Variants in ZNF772 observed in about 807,000 individuals in gnomAD.
The protein encoded by ZNF772 is zinc finger protein 772.
Under a neutral mutation model 11.0 loss-of-function variants are expected in ZNF772, and 8 were observed. The ratio of observed to expected loss-of-function variants is 0.73; its 90% confidence interval spans 0.43 to 1.31. The LOEUF is 1.31. ZNF772 is among the 50% of genes most tolerant of loss of function. The probability of loss-of-function intolerance (pLI) is 0.01; values close to 1 mark genes in which losing one functional copy is unlikely to be tolerated. For synonymous variants in ZNF772, 155 were observed against 180.4 expected (o/e 0.86, Z 1.13); for missense variants, 496 against 552.3 (o/e 0.90, Z 1.02).
At position 57,470,404 on chromosome 19, in the gene ZNF772, T is replaced by A. The variant is rs905001828; in HGVS notation, c.*2870A>T. The A allele has an allele frequency of 1.3e-5, 2 of 151,914 alleles. No individual in the cohort carries two copies. Among genetic ancestry groups the A allele is most frequent in the African/African-American group, 4.8e-5 (2 of 41,356 alleles). The allele number at this position is 151,914 out of a possible 1,614,324, so 9.4% of individuals were successfully genotyped here. On this transcript the variant is annotated 3_prime_UTR_variant, in exon 4 of 4. Coordinates refer to ENST00000356584, the MANE Select transcript of ZNF772 (RefSeq NM_001144068.2). ...CCACATCAAGCTTGATGGGAGGTAA[T>A]TAAAGCAGTTCTCAGATAGATTTTT...
chr19:57,476,607 G>C (rs1228190902), intron 2 of ZNF772, 27 bp downstream of exon 2: 3 of 1,613,258 alleles, frequency 1.9e-6, no homozygotes, highest in South Asian at 1.1e-5. Context: ...GGTGGGATCG[G>C]TGAGAGCATG....
In ZNF772 at chr19:57,475,806, C is replaced by T; in HGVS notation, c.73-20G>A. 1 of 1,583,864 alleles carries T rather than the reference C, an allele frequency of 6.3e-7. No individual in the cohort carries two copies. The highest frequency in any genetic ancestry group is 8.6e-7 in the Non-Finnish European group (1 of 1,165,124). ...CTGCCCCTGCCACAATCAGGAGAGC[C>T]AAGTCCATGAGCAGCATCTCTCCCA... On this transcript the variant is annotated intron_variant, in intron 2 of 3. Transcript: ENST00000356584. This position sits in a 1 kb window ranked among gnomAD's most constrained non-coding sequence, Gnocchi z 4.2.
chr19:57,475,191 A>G lies in ZNF772; in HGVS notation c.199+469T>C. The G allele has an allele frequency of 1.2e-6, 2 of 1,604,288 alleles. No homozygotes were observed. Among genetic ancestry groups the G allele is most frequent in the Non-Finnish European group, 1.7e-6 (2 of 1,173,688 alleles). ...GCACTGGTCTGGGTAACCCATATAG[A>G]AAACTAAATATTATTAAAATAATCT... is the stretch of plus-strand genomic sequence containing the variant. On this transcript the variant is annotated intron_variant, in intron 3 of 3. Coordinates refer to ENST00000356584, the MANE Select transcript of ZNF772 (RefSeq NM_001144068.2). The surrounding 1 kb of genome is among the most constrained non-coding windows in gnomAD (Gnocchi z 4.2).
chr19:57,473,528 A>G lies in ZNF772; in HGVS notation c.1093T>C (p.Tyr365His). 6.2e-7 allele frequency: 1 copy of G among 1,614,024 alleles called. No individual in the cohort carries two copies. Among genetic ancestry groups the G allele is most frequent in the South Asian group, 1.1e-5 (1 of 91,070 alleles). The change falls in exon 4 of 4, where the codon TAT becomes CAT. Residue 365 changes from tyrosine to histidine, a missense_variant. Transcript: ENST00000356584. Reference protein sequence around the residue: ...HWSVHTGARPYECIACGKFFS... With the variant: ...HWSVHTGARPHECIACGKFFS... Reference sequence around the variant, plus strand: ...AACTTCCCACATGCGATGCACTCATAAGGCCTTGCTCCAGTATGAACACTC... The same window carrying G: ...AACTTCCCACATGCGATGCACTCATGAGGCCTTGCTCCAGTATGAACACTC...
Position 57,472,113 on chromosome 19 carries a change from T to G in ZNF772, c.*1161A>C. Reference sequence around the variant, plus strand: ...GAAATATTTCTGTAAACCCTCATAATGGAGCCAGAGTAATGGAAACACATG... The same window carrying G: ...GAAATATTTCTGTAAACCCTCATAAGGGAGCCAGAGTAATGGAAACACATG... On this transcript the variant is annotated 3_prime_UTR_variant, in exon 4 of 4. Coordinates refer to ENST00000356584, the MANE Select transcript of ZNF772 (RefSeq NM_001144068.2). The G allele has an allele frequency of 2.2e-6, 1 of 456,234 alleles. No homozygotes were observed. The highest frequency in any genetic ancestry group is 4.4e-6 in the Non-Finnish European group (1 of 226,944). 28.3% of individuals were successfully genotyped at this position (456,234 alleles called of 1,614,324 possible).
In ZNF772 at chr19:57,473,617, C is replaced by T; in HGVS notation, c.1004G>A (p.Arg335Lys). ...TCCACATTCGCTGCACTCATATGGCCTTTCTCCAGTATGGATACTCTCATG... is the reference window on the plus strand; with the variant it reads ...TCCACATTCGCTGCACTCATATGGCTTTTCTCCAGTATGGATACTCTCATG... ...VQHESIHTGERPYECSECGKY... is the reference protein window; with the variant it reads ...VQHESIHTGEKPYECSECGKY... Residue 335 changes from arginine (R) to lysine (K), a missense_variant, in exon 4 of 4, where the codon AGG (arginine) becomes AAG (lysine). By Grantham distance (26) the Arg-to-Lys change is conservative. Transcript: ENST00000356584. 6.2e-7 allele frequency: 1 copy of T among 1,614,016 alleles called. No homozygotes were observed.
In ZNF772 at chr19:57,475,815, G is replaced by A. The variant is rs368809646; in HGVS notation, c.73-29C>T. 2.4e-5 allele frequency: 38 copies of A among 1,574,080 alleles called. No individual in the cohort carries two copies. The African/African-American group carries it at 4.7e-4, about 20-fold the overall frequency. On this transcript the variant is annotated intron_variant, in intron 2 of 3. Transcript: ENST00000356584. The surrounding 1 kb of genome is among the most constrained non-coding windows in gnomAD (Gnocchi z 4.2). ...CCACAATCAGGAGAGCCAAGTCCAT[G>A]AGCAGCATCTCTCCCAAGAACCCCC...
Position 57,475,476 on chromosome 19 carries a change from G to A in ZNF772, c.199+184C>T. On this transcript the variant is annotated intron_variant, in intron 3 of 3. Transcript: ENST00000356584. This position sits in a 1 kb window ranked among gnomAD's most constrained non-coding sequence, Gnocchi z 4.2. ...AAGGCTCTGAGACAGCAAGCGCTGG[G>A]AATGCTCAAAAGGAGAAAGTAGGAG... is the stretch of plus-strand genomic sequence containing the variant. 2.0e-6 allele frequency: 2 copies of A among 980,732 alleles called. No individual in the cohort carries two copies. The highest frequency in any genetic ancestry group is 1.3e-5 in the South Asian group (1 of 75,556). 60.8% of individuals were successfully genotyped at this position (980,732 alleles called of 1,614,324 possible).
rs766627698 is a variant in ZNF772, at chr19:57,470,629, A to C, written c.*2645T>G. 16 of 152,198 alleles carry C rather than the reference A, an allele frequency of 1.1e-4. No individual in the cohort carries two copies. Among genetic ancestry groups the C allele is most frequent in the Non-Finnish European group, 1.9e-4 (13 of 68,024 alleles). The allele number at this position is 152,198 out of a possible 1,614,324, so 9.4% of individuals were successfully genotyped here. On this transcript the variant is annotated 3_prime_UTR_variant, in exon 4 of 4. Transcript: ENST00000356584. The stretch of plus-strand genomic sequence containing the variant: ...CAATAATACCAAGTACTTTAAGATC[A>C]ATAAAATTGTAAAATTGATAAATCT...
At position 57,471,261 on chromosome 19, in the gene ZNF772, C is replaced by A. The variant is rs927904664; in HGVS notation, c.*2013G>T. 1.3e-5 allele frequency: 2 copies of A among 151,916 alleles called. No homozygotes were observed. Among genetic ancestry groups the A allele is most frequent in the African/African-American group, 4.8e-5 (2 of 41,350 alleles). 9.4% of individuals were successfully genotyped at this position (151,916 alleles called of 1,614,324 possible). A position where few individuals can be genotyped will look rare whatever the true frequency, so the allele number is the denominator to read the frequency against. On this transcript the variant is annotated 3_prime_UTR_variant, in exon 4 of 4. Transcript: ENST00000356584. ...ATATAAAATTACAAAGAAAAAAAAG[C>A]AAGCAAGCAAGAAAGAAAGTTAGGG...
chr19:57,476,598 G>A, intron 2 of ZNF772, 36 bp downstream of exon 2: 1 of 1,609,802 alleles, frequency 6.2e-7, no homozygotes, highest in Non-Finnish European at 8.5e-7. Flanking sequence ...TTGGGTGGGG[G>A]TGGGATCGGT....
rs759901858 is a variant in ZNF772 at position 57,473,320 on chromosome 19, G to A, written c.1301C>T (p.Ala434Val). Reference protein sequence around the residue: ...SECGKAFRQRASLIRHWKIHT... With the variant: ...SECGKAFRQRVSLIRHWKIHT... ...AATTTTCCAGTGGCGGATGAGGGAA[G>A]CCCTCTGCCTGAAGGCCTTCCCACA... Residue 434 changes from alanine (A) to valine (V), a missense_variant, in exon 4 of 4, where the codon GCT becomes GTT. Coordinates refer to ENST00000356584, the MANE Select transcript of ZNF772 (RefSeq NM_001144068.2). 3 of 1,613,808 alleles carry A rather than the reference G, an allele frequency of 1.9e-6. No homozygotes were observed. Among genetic ancestry groups the A allele is most frequent in the Admixed American group, 3.3e-5 (2 of 60,002 alleles).
At position 57,475,912 on chromosome 19, in the gene ZNF772, C is replaced by A. The variant is rs1224297052; in HGVS notation, c.73-126G>T. 7.4e-7 allele frequency: 1 copy of A among 1,345,602 alleles called. No individual in the cohort carries two copies. The highest frequency in any genetic ancestry group is 1.0e-6 in the Non-Finnish European group (1 of 987,392). The allele number at this position is 1,345,602 out of a possible 1,614,324, so 83.4% of individuals were successfully genotyped here. ...TCCTCAACTCAGGAAATATCAGGAC[C>A]AGATGTCATTGGTGTCTTCTCTCGC... On this transcript the variant is annotated intron_variant, in intron 2 of 3. Transcript: ENST00000356584. The surrounding 1 kb of genome is among the most constrained non-coding windows in gnomAD (Gnocchi z 4.2).
rs747681870 is a variant in ZNF772 at position 57,473,259 on chromosome 19, G to A, written c.*15C>T. 6.2e-7 allele frequency: 1 copy of A among 1,600,766 alleles called. No homozygotes were observed. The stretch of plus-strand genomic sequence containing the variant: ...AGTTATTATGTTGAACAAGGAAACG[G>A]AATTATCTCCCATCCTAAGGCCTTT... On this transcript the variant is annotated 3_prime_UTR_variant, in exon 4 of 4. Transcript: ENST00000356584.
chr19:57,476,975 C>T (rs1466896622), intron 1 of ZNF772, among the ~76,000 whole-genome samples: 1 of 152,190 alleles, frequency 6.6e-6, no homozygotes, highest in Non-Finnish European at 1.5e-5. Flanking sequence ...GAATAGAGAC[C>T]CAGCTGCTCA....
rs2074060 is a variant in ZNF772 at position 57,474,198 on chromosome 19, G to C, written c.423C>G (p.Cys141Trp). The C allele has an allele frequency of 0.65, 1,042,091 of 1,613,922 alleles. 337,566 individuals are homozygous for C. Among genetic ancestry groups the C allele is most frequent in the East Asian group, 0.74 (32,995 of 44,860 alleles). ...YMCVLCGKQF[C>W]FSANLHQHQK... ...GGTGCTGGTGAAGGTTTGCACTGAA[G>C]CAGAACTGTTTCCCACACAGCACAC... is the stretch of plus-strand genomic sequence containing the variant. The change falls in exon 4 of 4, where the codon TGC becomes TGG. Residue 141 changes from cysteine (C) to tryptophan (W), a missense_variant. Physicochemically the swap from Cys to Trp is radical, Grantham distance 215. Coordinates refer to ENST00000356584, the MANE Select transcript of ZNF772 (RefSeq NM_001144068.2).
Position 57,473,844 on chromosome 19 carries a change from C to T in ZNF772, c.777G>A (p.Gly259=). The T allele has an allele frequency of 6.2e-7, 1 of 1,613,956 alleles. No homozygotes were observed. The change falls in exon 4 of 4, where the codon GGG becomes GGA. Residue 259 remains glycine, a synonymous_variant. Transcript: ENST00000356584. ...GTATGGGTTTGCGGCTAAAGGTTTT[C>T]CCACATTCACCGCACTCATAAGGCC... ...GERPYECGEC[G]KTFSRKPILA... is the part of the protein sequence containing the mutation.
At chr19:57,476,765 G>A in intron 1 of ZNF772, 93 bp from the exon 2 acceptor site, 6 of 1,144,002 alleles carry the variant, frequency 5.2e-6, no homozygotes, top group Non-Finnish European at 6.2e-6. Context: ...GTTACAATGT[G>A]CCTGGGAGCT....
Position 57,474,414 on chromosome 19 carries a change from C to T in ZNF772, c.207G>A (p.Trp69Ter), listed in dbSNP as rs375033407. The change falls in exon 4 of 4, where the codon TGG becomes TGA. Residue 69 changes from tryptophan (W) to a stop codon, truncating the protein, a stop_gained. Transcript: ENST00000356584. LOFTEE classifies it low-confidence loss of function (END_TRUNC). The stretch of plus-strand genomic sequence containing the variant: ...GTATCTCTTCATCCTCCATTCCATG[C>T]CAACAACCTGAAAGCAGAGAAATGC... ...NFALMASLGC[W>*]HGMEDEEIPF... 4 of 1,600,136 alleles carry T rather than the reference C, an allele frequency of 2.5e-6. No individual in the cohort carries two copies. The African/African-American group carries it at 4.0e-5, about 16-fold the overall frequency.
Sources: gnomAD v4.1 joint callset for allele counts (sites outside exome capture counted in the v4.1 genomes callset) on GRCh38, gnomAD v4.1.1 for gene constraint, Gnocchi (gnomAD v3.1) non-coding constraint, MANE v1.5 for transcripts, NCBI Gene and HGNC (gene_info 2026-07-23, HGNC 2026-07-21) for gene names.